Variants in PTPRQ observed in about 807,000 individuals in gnomAD.
PTPRQ encodes phosphatidylinositol phosphatase PTPRQ.
In PTPRQ, 199 loss-of-function variants were observed where a neutral mutation model predicts 246.0. The observed-to-expected ratio is 0.81, with a 90% CI of 0.72 to 0.91. The LOEUF is 0.91. PTPRQ is among the 40% of genes least tolerant of loss of function. PTPRQ has a pLI of 0.00. For synonymous variants in PTPRQ, 869 were observed against 853.2 expected (o/e 1.02, Z -0.32); for missense variants, 2,624 against 2,528.4 (o/e 1.04, Z -0.81).
At chr12:80,533,230 C>G (rs990027842) in intron 17 of PTPRQ, among the ~76,000 whole-genome samples, 1 of 151,884 alleles carries the variant, frequency 6.6e-6, no homozygotes, top group African/African-American at 2.4e-5. Flanking sequence ...AGATATTAAT[C>G]TATACCCAGT....
chr12:80,648,855 C>T, intron 35 of PTPRQ, 42 bp from the exon 36 acceptor site: 1 of 1,508,264 alleles, frequency 6.6e-7, no homozygotes, highest in Non-Finnish European at 8.9e-7. Context: ...AATTAGCTGT[C>T]CACTCTGACT....
intron 25 of PTPRQ, among the ~76,000 whole-genome samples, chr12:80,574,339 A>G (rs1341659129): frequency 6.6e-6 from 1 of 152,142 alleles, no homozygotes; most frequent in East Asian, 1.9e-4. Flanking sequence ...ACCTATAATC[A>G]GGTCTTTAAT....
intron 30 of PTPRQ, 39 bp from the exon 31 acceptor site, chr12:80,619,345 A>C: frequency 6.5e-7 from 1 of 1,532,458 alleles, no homozygotes; most frequent in Non-Finnish European, 8.8e-7. Flanking sequence ...TGATGAAACA[A>C]TAACATCAAT....
chr12:80,489,432 T>G (rs1033397066), intron 9 of PTPRQ, among the ~76,000 whole-genome samples: 1 of 152,034 alleles, frequency 6.6e-6, no homozygotes, highest in Non-Finnish European at 1.5e-5. Flanking sequence ...TAACACACAG[T>G]AGCTTAAAAT....
At chr12:80,525,654 GTCTCTC>G (rs71816551) in intron 17 of PTPRQ, among the ~76,000 whole-genome samples, 47 of 147,358 alleles carry the variant, frequency 3.2e-4, no homozygotes, top group African/African-American at 5.9e-4. Flanking sequence ...CTCTCTCTCT[GTCTCTC>G]TCTCTCTCTC....
At position 80,670,393 on chromosome 12, in the gene PTPRQ, A is replaced by G; in HGVS notation, c.6503A>G (p.Glu2168Gly). ...CAGTGTAACTTTACTGCCTGGCCAG[A>G]GCATGGGGTTCCTGAGAACAGCGCC... The part of the protein sequence containing the change: ...VRQCNFTAWP[E>G]HGVPENSAPL... Residue 2168 changes from glutamate (E) to glycine (G), a missense_variant, in exon 42 of 45, where the codon GAG becomes GGG. Transcript: ENST00000644991. 6.4e-7 allele frequency: 1 copy of G among 1,551,134 alleles called. No individual in the cohort carries two copies. Among genetic ancestry groups the G allele is most frequent in the Non-Finnish European group, 8.7e-7 (1 of 1,146,616 alleles).
rs903644918 is a variant in PTPRQ, at chr12:80,680,080, C to T, written c.*1057C>T. 4 of 151,768 alleles carry T rather than the reference C, an allele frequency of 2.6e-5. No homozygotes were observed. The highest frequency in any genetic ancestry group is 2.1e-4 in the South Asian group (1 of 4,820). 9.4% of individuals were successfully genotyped at this position (151,768 alleles called of 1,614,324 possible). A position where few individuals can be genotyped will look rare whatever the true frequency, so the allele number is the denominator to read the frequency against. ...GGTTTCTTTATAGAAAATCTTTCAG[C>T]CTCCATCTTATTAAATAGTGACAAT... On this transcript the variant is annotated 3_prime_UTR_variant, in exon 45 of 45. Transcript: ENST00000644991.
At chr12:80,592,384 CA>C (rs1265454762) in intron 26 of PTPRQ, among the ~76,000 whole-genome samples, 1 of 151,926 alleles carries the variant, frequency 6.6e-6, no homozygotes, top group Non-Finnish European at 1.5e-5. Context: ...AAATATTGTA[CA>C]ATTGAATTTC....
chr12:80,482,636 G>A (rs1289516648), intron 8 of PTPRQ, among the ~76,000 whole-genome samples: 1 of 150,756 alleles, frequency 6.6e-6, no homozygotes, highest in African/African-American at 2.5e-5. Context: ...TCTGACAAAG[G>A]GCTAATATCC....
intron 3 of PTPRQ, among the ~76,000 whole-genome samples, chr12:80,448,620 C>T (rs561926941): frequency 2.8e-3 from 427 of 150,002 alleles, no homozygotes; most frequent in African/African-American, 1.0e-2. Flanking sequence ...TGAGAATATG[C>T]GGTACTTGGT....
intron 25 of PTPRQ, among the ~76,000 whole-genome samples, chr12:80,585,915 G>A (rs1237066384): frequency 8.1e-6 from 1 of 123,824 alleles, no homozygotes; most frequent in Non-Finnish European, 1.6e-5. Context: ...CCCAGAGTGT[G>A]ATGTTCCCCT....
At chr12:80,481,174 C>G (rs1894036254) in intron 8 of PTPRQ, among the ~76,000 whole-genome samples, 1 of 152,158 alleles carries the variant, frequency 6.6e-6, no homozygotes, top group African/African-American at 2.4e-5. Flanking sequence ...AGCTTATCCA[C>G]CATGATCAAG....
rs371231159 is a variant in PTPRQ, at chr12:80,471,607, A to C, written c.1040-498A>C. On this transcript the variant is annotated intron_variant, in intron 7 of 44. Transcript: ENST00000644991. ...ATTCTCCTGCCTCAGCCTCCCAAGT[A>C]GCTGGGACTACAGGCGCGCGCCACT... is the stretch of plus-strand genomic sequence containing the variant. Among the ~76,000 whole-genome samples the C allele has an allele frequency of 1.0e-3, 95 of 91,096 alleles. 2 individuals carry two copies. In the East Asian group the frequency reaches 0.023, roughly 22 times the overall value. 59.8% of individuals were successfully genotyped at this position (91,096 alleles called of 152,430 possible).
chr12:80,514,306 G>C (rs74108882), intron 17 of PTPRQ, among the ~76,000 whole-genome samples: 4,485 of 149,786 alleles, frequency 0.03, 258 homozygotes, highest in African/African-American at 0.11. Context: ...AATAATCCAG[G>C]ATTGACTCTT....
chr12:80,518,899 G>C (rs1268445425), intron 17 of PTPRQ, among the ~76,000 whole-genome samples: 1 of 152,084 alleles, frequency 6.6e-6, no homozygotes, highest in African/African-American at 2.4e-5. Flanking sequence ...ATAATTTGAA[G>C]TCAGATAATG....
intron 43 of PTPRQ, among the ~76,000 whole-genome samples, chr12:80,675,109 T>C (rs1408418497): frequency 6.6e-6 from 1 of 152,132 alleles, no homozygotes; most frequent in Non-Finnish European, 1.5e-5. Flanking sequence ...AATGTCACCC[T>C]TCCCCCAGGA....
At chr12:80,562,036 C>A (rs1406997369) in intron 25 of PTPRQ, among the ~76,000 whole-genome samples, 3 of 151,994 alleles carry the variant, frequency 2.0e-5, no homozygotes, top group Non-Finnish European at 4.4e-5. Context: ...AGTATTCTTG[C>A]AATTTTTCAT....
At chr12:80,452,917 T>G (rs1892820565) in intron 3 of PTPRQ, among the ~76,000 whole-genome samples, 3 of 152,248 alleles carry the variant, frequency 2.0e-5, no homozygotes, top group Admixed American at 1.3e-4. Context: ...TGACCTGCCT[T>G]GCTGGATTGG....
rs1181417112 is a variant in PTPRQ at position 80,549,455 on chromosome 12, A to C, written c.4016-10A>C. On this transcript the variant is annotated splice_polypyrimidine_tract_variant and intron_variant, in intron 24 of 44. Transcript: ENST00000644991. The stretch of plus-strand genomic sequence containing the variant: ...ACACTTTAACTTTGGGCATATGTTT[A>C]TCTCTTAAGTTCCAGATGTCGTGCA... 6.5e-7 allele frequency: 1 copy of C among 1,535,512 alleles called. No homozygotes were observed. Among genetic ancestry groups the C allele is most frequent in the Admixed American group, 2.0e-5 (1 of 49,692 alleles).
Sources: allele counts gnomAD v4.1 joint callset (sites outside exome capture counted in the v4.1 genomes callset), GRCh38; gene constraint gnomAD v4.1.1; transcripts MANE v1.5; gene names NCBI Gene and HGNC (gene_info 2026-07-23, HGNC 2026-07-21).